ADK: variants seen among roughly 807,000 people sequenced by gnomAD.
ADK encodes the protein N6,N6-dimethyladenosine kinase.
A neutral mutation model predicts 44.7 loss-of-function variants in ADK; 24 were observed. The ratio of observed to expected loss-of-function variants is 0.54; its 90% CI spans 0.39 to 0.76. The LOEUF (loss-of-function observed/expected upper bound fraction) is 0.76. ADK is among the 30% of genes least tolerant of loss of function. ADK has a pLI of 0.00. For synonymous variants in ADK, 128 were observed against 142.6 expected, an observed-to-expected ratio of 0.90 and a Z score of 0.73; for missense variants, 321 against 425.1, an observed-to-expected ratio of 0.76 and a Z score of 2.15.
Position 74,708,578 on chromosome 10 carries a change from G to A in ADK, c.*133G>A. 2.1e-6 allele frequency: 2 copies of A among 966,622 alleles called. No homozygotes were observed. Among genetic ancestry groups the A allele is most frequent in the Non-Finnish European group, 3.1e-6 (2 of 651,600 alleles). The allele number at this position is 966,622 out of a possible 1,614,324, so 59.9% of individuals were successfully genotyped here. On this transcript the variant is annotated 3_prime_UTR_variant, in exon 11 of 11. Coordinates refer to ENST00000539909, the MANE Select transcript of ADK (RefSeq NM_006721.4). ...TAATAATGCTGAATCTTAATTTAGAGGGTACAAGGGTATGGTAATGCTTGT... is the reference window on the plus strand; with the variant it reads ...TAATAATGCTGAATCTTAATTTAGAAGGTACAAGGGTATGGTAATGCTTGT...
chr10:74,595,617 C>T (rs1028904041), intron 8 of ADK, among the ~76,000 whole-genome samples: 1 of 150,998 alleles, frequency 6.6e-6, no homozygotes, highest in African/African-American at 2.4e-5. Context: ...ACCTCATGAT[C>T]CGCCCGCCTC....
At chr10:74,237,819 C>A (rs1845029151) in intron 3 of ADK, among the ~76,000 whole-genome samples, 1 of 152,026 alleles carries the variant, frequency 6.6e-6, no homozygotes, top group South Asian at 2.1e-4. Flanking sequence ...TTAAAAGGGG[C>A]CAGGCATGGT....
intron 4 of ADK, among the ~76,000 whole-genome samples, chr10:74,335,540 A>G (rs1484601424): frequency 6.6e-6 from 1 of 152,220 alleles, no homozygotes; most frequent in African/African-American, 2.4e-5. Context: ...TCTGGTGATT[A>G]TGAATAAAGC....
intron 2 of ADK, among the ~76,000 whole-genome samples, chr10:74,207,447 G>A (rs1704350320): frequency 6.6e-6 from 1 of 152,196 alleles, no homozygotes; most frequent in African/African-American, 2.4e-5. Flanking sequence ...TGAACAGTGA[G>A]GTATGGGGAC....
At chr10:74,369,764 G>A (rs182368182) in intron 4 of ADK, among the ~76,000 whole-genome samples, 143 of 152,214 alleles carry the variant, frequency 9.4e-4, no homozygotes, top group African/African-American at 3.2e-3. Flanking sequence ...ACTTCTGTTC[G>A]ATACTGTACT....
At chr10:74,614,531 CT>C (rs1352704106) in intron 9 of ADK, among the ~76,000 whole-genome samples, 4 of 152,044 alleles carry the variant, frequency 2.6e-5, no homozygotes, top group Non-Finnish European at 5.9e-5. Flanking sequence ...ACTTAAGAAG[CT>C]TCTCCTTGTG....
intron 1 of ADK, among the ~76,000 whole-genome samples, chr10:74,157,906 T>G (rs977730032): frequency 6.6e-6 from 1 of 151,996 alleles, no homozygotes; most frequent in African/African-American, 2.4e-5. Flanking sequence ...GGCACCAACT[T>G]ACATCTAACT....
intron 9 of ADK, among the ~76,000 whole-genome samples, chr10:74,666,441 C>G (rs748261307): frequency 1.8e-4 from 27 of 152,056 alleles, no homozygotes; most frequent in Non-Finnish European, 3.2e-4. Flanking sequence ...TTTTAGAAAT[C>G]CAGAAAGTAG....
rs111309362 is a variant in ADK, at chr10:74,499,683, A to G, written c.556-25573A>G. ...AGCCTGGGCGACAGAGCGAGACTCC[A>G]TCTCAAAAAAAAAAAAGTGACATTT... On this transcript the variant is annotated intron_variant, in intron 6 of 10. Coordinates refer to ENST00000539909, the MANE Select transcript of ADK (RefSeq NM_006721.4). Among the ~76,000 whole-genome samples the G allele has an allele frequency of 5.1e-3, 775 of 151,866 alleles. 10 individuals are homozygous for G. Among genetic ancestry groups the G allele is most frequent in the African/African-American group, 0.017 (725 of 41,438 alleles).
intron 6 of ADK, among the ~76,000 whole-genome samples, chr10:74,435,984 A>G (rs1002221236): frequency 3.3e-5 from 5 of 152,248 alleles, no homozygotes; most frequent in Non-Finnish European, 5.9e-5. Context: ...AAGAGCATCA[A>G]TAAAGGTAAT....
chr10:74,666,830 CTTTTTTTTTTTT>C (rs11317030), intron 9 of ADK, among the ~76,000 whole-genome samples: 3 of 109,050 alleles, frequency 2.8e-5, no homozygotes, highest in African/African-American at 1.0e-4. Flanking sequence ...AGTTTTGTGA[CTTTTTTTTTTTT>C]TTTTTTTTGA....
chr10:74,681,022 G>T (rs930505096), intron 10 of ADK, among the ~76,000 whole-genome samples: 3 of 152,266 alleles, frequency 2.0e-5, no homozygotes, highest in Admixed American at 6.5e-5. Flanking sequence ...GTAGGTTTTT[G>T]AATTGAGTTA....
chr10:74,628,380 A>G (rs1022245818), intron 9 of ADK, among the ~76,000 whole-genome samples: 9 of 152,056 alleles, frequency 5.9e-5, no homozygotes, highest in Admixed American at 3.3e-4. Context: ...GCTGCACTAA[A>G]TAGGATTATG....
chr10:74,361,502 C>G (rs28806480), intron 4 of ADK, among the ~76,000 whole-genome samples: 98,060 of 152,038 alleles, frequency 0.64, 32,932 homozygotes, highest in Middle Eastern at 0.79. Flanking sequence ...AAAAAACACA[C>G]AAAAGTGAAC....
At chr10:74,401,190 G>A (rs1219406090) in intron 6 of ADK, among the ~76,000 whole-genome samples, 3 of 152,112 alleles carry the variant, frequency 2.0e-5, no homozygotes, top group Non-Finnish European at 4.4e-5. Context: ...TAAGTCTCAG[G>A]TTCTCTTCAC....
At chr10:74,234,348 A>G (rs576495977) in intron 3 of ADK, among the ~76,000 whole-genome samples, 1 of 152,350 alleles carries the variant, frequency 6.6e-6, no homozygotes, top group East Asian at 1.9e-4. Context: ...TATTGTAATC[A>G]TTCCCATTTT....
At chr10:74,181,262 G>A (rs781109883) in intron 1 of ADK, among the ~76,000 whole-genome samples, 3 of 151,742 alleles carry the variant, frequency 2.0e-5, no homozygotes, top group Admixed American at 6.6e-5. Context: ...GTCTCTTTAG[G>A]AATTCCTAAA....
At chr10:74,381,438 G>C (rs931929976) in intron 4 of ADK, among the ~76,000 whole-genome samples, 1 of 152,220 alleles carries the variant, frequency 6.6e-6, no homozygotes, top group East Asian at 1.9e-4. Flanking sequence ...AAGCTGTTAA[G>C]CTTTAAGTGC....
chr10:74,434,475 G>A (rs376111525), intron 6 of ADK, among the ~76,000 whole-genome samples: 92 of 152,080 alleles, frequency 6.0e-4, no homozygotes, highest in African/African-American at 2.0e-3. Flanking sequence ...TTCTAAAATC[G>A]GACAACAACC....
Sources: allele counts gnomAD v4.1 joint callset (sites outside exome capture counted in the v4.1 genomes callset), GRCh38; gene constraint gnomAD v4.1.1; transcripts MANE v1.5; gene names NCBI Gene and HGNC (gene_info 2026-07-23, HGNC 2026-07-21).